CELF6: variants seen among roughly 807,000 people sequenced by gnomAD.
The protein encoded by CELF6 is CUGBP Elav-like family member 6.
CELF6 carries 32 observed loss-of-function variants against 53.1 expected under a neutral mutation model. The observed-to-expected ratio is 0.60, with a 90% CI of 0.46 to 0.81. The LOEUF (loss-of-function observed/expected upper bound fraction) is 0.81, where lower values mean the gene tolerates loss of function less well. Among genes scored for constraint, CELF6 ranks in the 30% least tolerant of loss-of-function variants. CELF6 has a pLI of 0.00. For missense variants in CELF6, 539 were observed against 669.5 expected (o/e 0.81, Z 2.15); for synonymous variants, 291 against 288.8 (o/e 1.01, Z -0.08).
intron 2 of CELF6, among the ~76,000 whole-genome samples, chr15:72,314,343 C>G (rs1265327000): frequency 2.0e-5 from 3 of 152,152 alleles, no homozygotes; most frequent in Non-Finnish European, 2.9e-5. Flanking sequence ...AACCCCTCTT[C>G]TAGAATCTGA....
At chr15:72,317,783 T>A (rs570257435) in intron 1 of CELF6, among the ~76,000 whole-genome samples, 1 of 152,132 alleles carries the variant, frequency 6.6e-6, no homozygotes, top group Non-Finnish European at 1.5e-5. Context: ...CCAACCCATA[T>A]CACCTGACGT....
chr15:72,293,907 T>C (rs1213552938), intron 3 of CELF6, among the ~76,000 whole-genome samples: 1 of 152,104 alleles, frequency 6.6e-6, no homozygotes, highest in Non-Finnish European at 1.5e-5. Context: ...TTGGCCATGC[T>C]GGTCTCAAAC....
chr15:72,288,712 GTCC>G lies in CELF6; in HGVS notation c.1094-97_1094-95del. Reference sequence around the variant, plus strand: ...GGCCGCTTTTGACCAATTCAGCCCAGTCCACCATAACCCTCACCCCAAGAGAGG... The same window carrying G: ...GGCCGCTTTTGACCAATTCAGCCCAGACCATAACCCTCACCCCAAGAGAGG... On this transcript the variant is annotated intron_variant, in intron 9 of 12. Coordinates refer to ENST00000287202, the MANE Select transcript of CELF6 (RefSeq NM_052840.5). This position sits in a 1 kb window ranked among gnomAD's most constrained non-coding sequence, Gnocchi z 4.6. 1 of 1,402,980 alleles carries G rather than the reference GTCC, an allele frequency of 7.1e-7. No individual in the cohort carries two copies. Among genetic ancestry groups the G allele is most frequent in the South Asian group, 1.3e-5 (1 of 79,230 alleles). 86.9% of individuals were successfully genotyped at this position (1,402,980 alleles called of 1,614,324 possible).
chr15:72,311,411 T>C (rs1176891853), intron 2 of CELF6, among the ~76,000 whole-genome samples: 4 of 151,000 alleles, frequency 2.6e-5, no homozygotes, highest in Admixed American at 6.6e-5. Flanking sequence ...TTTTCTTTTT[T>C]TTTTTTTTTG....
intron 3 of CELF6, among the ~76,000 whole-genome samples, chr15:72,300,198 T>C (rs2088133584): frequency 6.6e-6 from 1 of 151,526 alleles, no homozygotes; most frequent in South Asian, 2.1e-4. Context: ...CTACAAAAAA[T>C]AAAAATACAA....
At chr15:72,307,718 G>A (rs2088248696) in intron 2 of CELF6, among the ~76,000 whole-genome samples, 1 of 152,202 alleles carries the variant, frequency 6.6e-6, no homozygotes. Flanking sequence ...CCATTCTTAA[G>A]GCATGAACAC....
Position 72,288,889 on chromosome 15 carries a change from C to T in CELF6, c.1072G>A (p.Ala358Thr), listed in dbSNP as rs1460399713. 6 of 1,550,996 alleles carry T rather than the reference C, an allele frequency of 3.9e-6. No individual in the cohort carries two copies. Among genetic ancestry groups the T allele is most frequent in the Non-Finnish European group, 5.2e-6 (6 of 1,147,080 alleles). Residue 358 changes from alanine (A) to threonine (T), a missense_variant, in exon 9 of 13, where the codon GCT becomes ACT. Physicochemically the swap from Ala to Thr is moderately conservative, Grantham distance 58 (BLOSUM62 0). Transcript: ENST00000287202. This position sits in a 1 kb window ranked among gnomAD's most constrained non-coding sequence, Gnocchi z 4.6. ...AAACCTGCGTAGTGGTGCATCCCAG[C>T]GTAGGCCTGCTGCAGGGGGTCAGCC... ...GVADPLQQAY[A>T]GMHHYAAAYP...
chr15:72,309,274 G>A, intron 2 of CELF6, among the ~76,000 whole-genome samples: 1 of 152,194 alleles, frequency 6.6e-6, no homozygotes, highest in East Asian at 1.9e-4. Context: ...GATCCCATAA[G>A]CTGTCACTAT....
intron 3 of CELF6, among the ~76,000 whole-genome samples, chr15:72,291,560 G>GCT (rs1424253569): frequency 6.6e-6 from 1 of 152,180 alleles, no homozygotes; most frequent in African/African-American, 2.4e-5. Flanking sequence ...GGAAAACAAG[G>GCT]CTAGTGGGGG....
chr15:72,310,783 T>C (rs28712686), intron 2 of CELF6, among the ~76,000 whole-genome samples: 29,570 of 151,802 alleles, frequency 0.19, 7,692 homozygotes, highest in African/African-American at 0.59. Flanking sequence ...AGCCACTATG[T>C]CTGGCCCAGA....
intron 2 of CELF6, among the ~76,000 whole-genome samples, chr15:72,311,499 T>C (rs2088296113): frequency 6.6e-6 from 1 of 151,314 alleles, no homozygotes; most frequent in Non-Finnish European, 1.5e-5. Flanking sequence ...GCCTCCCAGG[T>C]TCACGCCTTT....
At chr15:72,306,776 G>T (rs1281254708) in intron 2 of CELF6, among the ~76,000 whole-genome samples, 1 of 151,898 alleles carries the variant, frequency 6.6e-6, no homozygotes, top group Non-Finnish European at 1.5e-5. Flanking sequence ...GTCTGGACTG[G>T]CCTGGACCAG....
chr15:72,302,387 T>C (rs535568917), intron 3 of CELF6, among the ~76,000 whole-genome samples: 1 of 152,350 alleles, frequency 6.6e-6, no homozygotes, highest in East Asian at 1.9e-4. Flanking sequence ...TGCTAAATTA[T>C]GAGTTCTGCT....
intron 2 of CELF6, among the ~76,000 whole-genome samples, chr15:72,308,479 G>A (rs190502168): frequency 3.3e-5 from 5 of 152,028 alleles, no homozygotes; most frequent in African/African-American, 7.2e-5. Context: ...TGCCTGCCTC[G>A]GCCTCCCAAA....
intron 2 of CELF6, among the ~76,000 whole-genome samples, chr15:72,306,979 T>G (rs2088238683): frequency 2.1e-5 from 3 of 145,844 alleles, no homozygotes; most frequent in African/African-American, 5.1e-5. Context: ...GGGAAGGAAA[T>G]GAGGAGAGGA....
intron 12 of CELF6, among the ~76,000 whole-genome samples, chr15:72,286,549 C>T (rs1031389217): frequency 6.6e-6 from 1 of 152,192 alleles, no homozygotes; most frequent in African/African-American, 2.4e-5. Flanking sequence ...GCAAAAGACC[C>T]CAACCCCACA....
chr15:72,297,024 A>C, intron 3 of CELF6, among the ~76,000 whole-genome samples: 1 of 152,196 alleles, frequency 6.6e-6, no homozygotes, highest in East Asian at 1.9e-4. Flanking sequence ...ACCAATAATA[A>C]TTTTATATAT....
intron 3 of CELF6, among the ~76,000 whole-genome samples, chr15:72,301,586 A>G (rs1437595759): frequency 6.6e-6 from 1 of 152,182 alleles, no homozygotes; most frequent in Non-Finnish European, 1.5e-5. Flanking sequence ...GCGTAAATAT[A>G]TCTGGTCAGG....
intron 3 of CELF6, among the ~76,000 whole-genome samples, chr15:72,299,413 G>C (rs1339115365): frequency 2.8e-5 from 4 of 145,452 alleles, no homozygotes; most frequent in African/African-American, 5.1e-5. Flanking sequence ...AGGCTGGAGT[G>C]CAGTGGCATG....
Sources: allele counts gnomAD v4.1 joint callset (sites outside exome capture counted in the v4.1 genomes callset), GRCh38; gene constraint gnomAD v4.1.1; non-coding constraint Gnocchi (gnomAD v3.1); transcripts MANE v1.5; gene names NCBI Gene and HGNC (gene_info 2026-07-23, HGNC 2026-07-21).